LPCAT1: variants seen among roughly 807,000 people sequenced by gnomAD.
The protein encoded by LPCAT1 is 1-acylglycerol-3-phosphate O-acyltransferase.
Under a neutral mutation model 60.9 loss-of-function variants are expected in LPCAT1, and 23 were observed. The ratio of observed to expected loss-of-function variants is 0.38; its 90% CI spans 0.27 to 0.53. The LOEUF is 0.53. Ranked by LOEUF, LPCAT1 falls within the 20% of genes least tolerant of loss-of-function variation. The pLI is 0.82. For missense variants in LPCAT1, 622 were observed against 723.6 expected (o/e 0.86, Z 1.61); for synonymous variants, 340 against 301.1 (o/e 1.13, Z -1.34).
At chr5:1,474,909 G>C (rs1331033808) in intron 9 of LPCAT1, among the ~76,000 whole-genome samples, 1 of 152,254 alleles carries the variant, frequency 6.6e-6, no homozygotes, top group Non-Finnish European at 1.5e-5. Flanking sequence ...CACTGACACA[G>C]ACTGCCATCA....
In LPCAT1 at chr5:1,480,119, T is replaced by A. The variant is rs1337644227; in HGVS notation, c.762-444A>T. ...AGTTGACATGGGAGACATTTGGAGC[T>A]GCTCCCAGGGCCACACTCACGCCTC... On this transcript the variant is annotated intron_variant, in intron 7 of 13. Coordinates refer to ENST00000283415, the MANE Select transcript of LPCAT1 (RefSeq NM_024830.5). This position sits in a 1 kb window ranked among gnomAD's most constrained non-coding sequence, Gnocchi z 6.4. 6.6e-6 allele frequency among the ~76,000 whole-genome samples: 1 copy of A among 151,846 alleles called. No individual in the cohort carries two copies. The highest frequency in any genetic ancestry group is 2.4e-5 in the African/African-American group (1 of 41,286).
chr5:1,466,927 C>G, intron 12 of LPCAT1, 37 bp from the exon 13 acceptor site: 16 of 1,501,092 alleles, frequency 1.1e-5, no homozygotes, highest in Non-Finnish European at 1.4e-5. Flanking sequence ...GCAGCCTCCT[C>G]CCCTGCCCAC....
chr5:1,498,692 C>T (rs758946653), intron 2 of LPCAT1, among the ~76,000 whole-genome samples: 5 of 152,118 alleles, frequency 3.3e-5, no homozygotes, highest in African/African-American at 9.7e-5. Flanking sequence ...CTGTCATACA[C>T]GTACATGTAT....
At chr5:1,520,049 C>T (rs1406810081) in intron 1 of LPCAT1, among the ~76,000 whole-genome samples, 3 of 152,266 alleles carry the variant, frequency 2.0e-5, no homozygotes, top group Non-Finnish European at 4.4e-5. Context: ...CACCCAGGGA[C>T]CCAGTGGGCA....
In LPCAT1 at chr5:1,466,861, G is replaced by A. The variant is rs774319281; in HGVS notation, c.1308C>T (p.Val436=). 15 of 1,608,604 alleles carry A rather than the reference G, an allele frequency of 9.3e-6. No homozygotes were observed. The highest frequency in any genetic ancestry group is 2.2e-5 in the South Asian group (2 of 90,470). ...GGATGCAGGACAGGTCACCTTCGCC[G>A]ACGCTGCCGTCCTCTTGCGCTCCGT... The part of the protein sequence containing the change: ...KMYGAQEDGS[V]GEGDLSCILK... The change falls in exon 13 of 14, where the codon GTC becomes GTT. Residue 436 remains valine (V), a synonymous_variant. Transcript: ENST00000283415.
At chr5:1,472,750 C>T (rs1024974172) in intron 11 of LPCAT1, among the ~76,000 whole-genome samples, 1 of 152,070 alleles carries the variant, frequency 6.6e-6, no homozygotes, top group Non-Finnish European at 1.5e-5. Context: ...GACTCGCATC[C>T]GAGACGCTGT....
Position 1,462,332 on chromosome 5 carries a change from A to C in LPCAT1, c.*1319T>G, listed in dbSNP as rs962641155. The stretch of plus-strand genomic sequence containing the variant: ...ATTCTGTCATAAAAAATGATGAAAC[A>C]AGGTGATGTCAGAGGGACTTCAGGT... On this transcript the variant is annotated 3_prime_UTR_variant, in exon 14 of 14. Transcript: ENST00000283415. 2 of 152,558 alleles carry C rather than the reference A, an allele frequency of 1.3e-5. No homozygotes were observed. Among genetic ancestry groups the C allele is most frequent in the African/African-American group, 4.8e-5 (2 of 41,428 alleles). 9.5% of individuals were successfully genotyped at this position (152,558 alleles called of 1,614,324 possible). A position where few individuals can be genotyped will look rare whatever the true frequency, so the allele number is the denominator to read the frequency against.
At chr5:1,488,493 A>G in intron 4 of LPCAT1, 42 bp from the exon 5 acceptor site, 1 of 1,324,560 alleles carries the variant, frequency 7.5e-7, no homozygotes, top group Non-Finnish European at 1.1e-6. Context: ...TAAACTGTAC[A>G]TAATTATAAT....
intron 11 of LPCAT1, among the ~76,000 whole-genome samples, chr5:1,473,574 G>A (rs909286710): frequency 6.6e-6 from 1 of 152,196 alleles, no homozygotes; most frequent in Non-Finnish European, 1.5e-5. Context: ...CCTCTAAGCC[G>A]ATCATAGAGG....
Position 1,502,122 on chromosome 5 carries a change from C to A in LPCAT1, c.136-519G>T, listed in dbSNP as rs115299973. ...CTCCACACCCACTGCCCGCTTCCTG[C>A]CTCCTTACTGGAGCTGCCATGCGAG... On this transcript the variant is annotated intron_variant, in intron 1 of 13. Transcript: ENST00000283415. The surrounding 1 kb of genome is among the most constrained non-coding windows in gnomAD (Gnocchi z 5.5). Among the ~76,000 whole-genome samples the A allele has an allele frequency of 3.5e-3, 533 of 152,332 alleles. 6 individuals carry two copies. The highest frequency in any genetic ancestry group is 0.012 in the African/African-American group (509 of 41,574).
At chr5:1,485,300 T>C (rs1735329025) in intron 5 of LPCAT1, among the ~76,000 whole-genome samples, 1 of 151,744 alleles carries the variant, frequency 6.6e-6, no homozygotes, top group Admixed American at 6.6e-5. Context: ...TCTGCAGGGG[T>C]CTCTGGCCTC....
At chr5:1,507,538 G>A (rs544666881) in intron 1 of LPCAT1, among the ~76,000 whole-genome samples, 106 of 152,338 alleles carry the variant, frequency 7.0e-4, no homozygotes, top group African/African-American at 2.1e-3. Flanking sequence ...CTCCTCAGCC[G>A]GGCTTGCTCC....
chr5:1,512,183 T>A (rs528418808), intron 1 of LPCAT1, among the ~76,000 whole-genome samples: 1 of 152,202 alleles, frequency 6.6e-6, no homozygotes, highest in Non-Finnish European at 1.5e-5. Context: ...TCTGAGCTCC[T>A]GTGTGGCGTG....
Position 1,489,781 on chromosome 5 carries a change from T to G in LPCAT1, c.571A>C (p.Lys191Gln). ...TTTCCGTTGGACTGCGCCCGTCTCT[T>G]GATTTCTTCTACTGTTTTCCTGCGA... ...DSRRKTVEEI[K>Q]RRAQSNGKWP... The change falls in exon 4 of 14, where the codon AAG becomes CAG. Residue 191 changes from lysine (K) to glutamine (Q), a missense_variant. Around this residue, in one of 3 missense-constraint regions of LPCAT1, gnomAD observed 209 missense variants for 325.5 expected, o/e 0.64. Transcript: ENST00000283415. 6.2e-7 allele frequency: 1 copy of G among 1,614,126 alleles called. No homozygotes were observed. The highest frequency in any genetic ancestry group is 8.5e-7 in the Non-Finnish European group (1 of 1,179,932).
At chr5:1,514,838 T>C (rs1035936451) in intron 1 of LPCAT1, among the ~76,000 whole-genome samples, 1 of 152,092 alleles carries the variant, frequency 6.6e-6, no homozygotes, top group East Asian at 1.9e-4. Flanking sequence ...CCTTCACACA[T>C]ACCAGCACGC....
Position 1,523,949 on chromosome 5 carries a change from G to A in LPCAT1, c.-105C>T. The A allele has an allele frequency of 2.5e-6, 2 of 811,346 alleles. No homozygotes were observed. The highest frequency in any genetic ancestry group is 3.0e-6 in the Non-Finnish European group (2 of 670,326). 50.3% of individuals were successfully genotyped at this position (811,346 alleles called of 1,614,324 possible). A position where few individuals can be genotyped will look rare whatever the true frequency, so the allele number is the denominator to read the frequency against. On this transcript the variant is annotated 5_prime_UTR_variant, in exon 1 of 14. Transcript: ENST00000283415. The surrounding 1 kb of genome is among the most constrained non-coding windows in gnomAD (Gnocchi z 7.1). ...GGGGCGCGGGCCGAGGATGCGCGGC[G>A]GCTGGAGCGGGCCGGGCGCGCAGGC...
In LPCAT1 at chr5:1,463,816, T is replaced by C; in HGVS notation, c.1440A>G (p.Ala480=). ...KITFADFHRF[A]EMYPAFAEEY... is the part of the protein sequence containing the mutation. Reference sequence around the variant, plus strand: ...CCTCTGCGAAGGCAGGGTACATTTCTGCAAACCTGTGGAAGTCAGCTGGAA... The same window carrying C: ...CCTCTGCGAAGGCAGGGTACATTTCCGCAAACCTGTGGAAGTCAGCTGGAA... The change falls in exon 14 of 14, where the codon GCA becomes GCG. Residue 480 remains alanine (A), a synonymous_variant. Transcript: ENST00000283415. 6.2e-7 allele frequency: 1 copy of C among 1,614,164 alleles called. No homozygotes were observed. The highest frequency in any genetic ancestry group is 8.5e-7 in the Non-Finnish European group (1 of 1,179,978).
Position 1,477,378 on chromosome 5 carries a change from G to A in LPCAT1, c.899+26C>T, listed in dbSNP as rs1239084389. On this transcript the variant is annotated intron_variant, in intron 9 of 13. Coordinates refer to ENST00000283415, the MANE Select transcript of LPCAT1 (RefSeq NM_024830.5). The surrounding 1 kb of genome is among the most constrained non-coding windows in gnomAD (Gnocchi z 6.0). ...CTCTGGGAGACACCCCTGACTCGGC[G>A]ATGGGGGAAGGAGCTGCTCACTTAC... 8.7e-6 allele frequency: 14 copies of A among 1,602,308 alleles called. No individual in the cohort carries two copies. Among genetic ancestry groups the A allele is most frequent in the Admixed American group, 5.0e-5 (3 of 59,618 alleles).
At chr5:1,518,855 A>G (rs992066790) in intron 1 of LPCAT1, among the ~76,000 whole-genome samples, 1 of 152,252 alleles carries the variant, frequency 6.6e-6, no homozygotes, top group Non-Finnish European at 1.5e-5. Context: ...TTCCGGAGCC[A>G]CGACCACAGG....
Sources: gnomAD v4.1 joint callset for allele counts (sites outside exome capture counted in the v4.1 genomes callset) on GRCh38, gnomAD v4.1.1 for gene constraint, gnomAD v4.1.1 regional missense constraint, Gnocchi (gnomAD v3.1) non-coding constraint, MANE v1.5 for transcripts, NCBI Gene and HGNC (gene_info 2026-07-23, HGNC 2026-07-21) for gene names.